ADAMTS17: variants seen among roughly 807,000 people sequenced by gnomAD.
ADAMTS17 encodes ADAM metallopeptidase with thrombospondin type 1 motif 17.
A neutral mutation model predicts 141.5 loss-of-function variants in ADAMTS17; 113 were observed. The ratio of observed to expected loss-of-function variants is 0.80; its 90% CI spans 0.69 to 0.93. The LOEUF (loss-of-function observed/expected upper bound fraction) is 0.93, where lower values mean the gene tolerates loss of function less well. Ranked by LOEUF, ADAMTS17 falls within the 40% of genes least tolerant of loss-of-function variation. The pLI is 0.00. For synonymous variants in ADAMTS17, 768 were observed against 630.6 expected, an observed-to-expected ratio of 1.22 and a Z score of -3.27; for missense variants, 1,659 against 1,517.9, an observed-to-expected ratio of 1.09 and a Z score of -1.54.
At chr15:100,000,611 TC>T in intron 18 of ADAMTS17, among the ~76,000 whole-genome samples, 1 of 152,290 alleles carries the variant, frequency 6.6e-6, no homozygotes, top group Non-Finnish European at 1.5e-5. Context: ...CCTCCCAGGT[TC>T]AAGCGATTTT....
intron 3 of ADAMTS17, among the ~76,000 whole-genome samples, chr15:100,292,821 A>T (rs1231636564): frequency 6.6e-6 from 1 of 152,210 alleles, no homozygotes; most frequent in Non-Finnish European, 1.5e-5. Context: ...CAGAGGGGGA[A>T]AAAAAGAATC....
chr15:100,261,821 G>A (rs1440905738), intron 5 of ADAMTS17, among the ~76,000 whole-genome samples, 185 bp from the exon 6 acceptor site: 3 of 152,110 alleles, frequency 2.0e-5, no homozygotes, highest in Non-Finnish European at 4.4e-5. Flanking sequence ...AGACCATCAG[G>A]GGCCTTACAT....
chr15:100,300,760 C>G (rs1316691306), intron 3 of ADAMTS17, among the ~76,000 whole-genome samples: 1 of 152,256 alleles, frequency 6.6e-6, no homozygotes, highest in Non-Finnish European at 1.5e-5. Flanking sequence ...AGCATCTCAT[C>G]TCTTGTCCAC....
intron 20 of ADAMTS17, among the ~76,000 whole-genome samples, chr15:99,988,876 G>A (rs1396016237): frequency 6.6e-6 from 1 of 152,164 alleles, no homozygotes; most frequent in Non-Finnish European, 1.5e-5. Context: ...CCAGGTCTTG[G>A]GCAGGGCTGC....
At chr15:100,323,013 G>T (rs1272974176) in intron 3 of ADAMTS17, among the ~76,000 whole-genome samples, 2 of 150,618 alleles carry the variant, frequency 1.3e-5, no homozygotes. Flanking sequence ...CATGGACCCG[G>T]GAGGCGGAGC....
At chr15:100,230,174 C>T (rs147640461) in intron 7 of ADAMTS17, among the ~76,000 whole-genome samples, 15 of 152,308 alleles carry the variant, frequency 9.8e-5, no homozygotes, top group Middle Eastern at 3.4e-3. Flanking sequence ...AAACTTTCTC[C>T]GCAGTTTGGG....
At chr15:100,184,409 T>G (rs939192576) in intron 8 of ADAMTS17, among the ~76,000 whole-genome samples, 2 of 152,234 alleles carry the variant, frequency 1.3e-5, no homozygotes, top group African/African-American at 2.4e-5. Context: ...CCAGTGAGCC[T>G]TCTTCTTTCC....
chr15:100,131,892 C>A, intron 12 of ADAMTS17, 115 bp downstream of exon 12: 2 of 1,523,764 alleles, frequency 1.3e-6, no homozygotes, highest in Non-Finnish European at 1.8e-6. Flanking sequence ...GTTTCATTTT[C>A]CATATCTTCT....
At chr15:100,198,151 A>G (rs1448464961) in intron 8 of ADAMTS17, among the ~76,000 whole-genome samples, 1 of 152,230 alleles carries the variant, frequency 6.6e-6, no homozygotes, top group East Asian at 1.9e-4. Context: ...CTGCACATGT[A>G]TCCCAGAACT....
chr15:100,291,279 A>T (rs1400292232), intron 3 of ADAMTS17, among the ~76,000 whole-genome samples: 1 of 152,246 alleles, frequency 6.6e-6, no homozygotes, highest in Non-Finnish European at 1.5e-5. Flanking sequence ...GAGGAATGCA[A>T]ACCAAAACCA....
intron 18 of ADAMTS17, among the ~76,000 whole-genome samples, chr15:100,015,827 C>T (rs1160431922): frequency 6.6e-6 from 1 of 152,222 alleles, no homozygotes; most frequent in East Asian, 1.9e-4. Flanking sequence ...CTTTAGATTA[C>T]CTGATGACAA....
chr15:100,328,383 A>G (rs2045954187), intron 3 of ADAMTS17, among the ~76,000 whole-genome samples: 1 of 152,218 alleles, frequency 6.6e-6, no homozygotes, highest in Admixed American at 6.5e-5. Flanking sequence ...TATTTCATGC[A>G]ATGCAAGAAG....
chr15:99,981,896 C>T (rs2060488626), intron 20 of ADAMTS17, among the ~76,000 whole-genome samples: 2 of 152,146 alleles, frequency 1.3e-5, no homozygotes, highest in Admixed American at 1.3e-4. Flanking sequence ...CCAGGCCTGC[C>T]CTGGCCTAAA....
chr15:100,177,016 G>A (rs1289155034), intron 8 of ADAMTS17, among the ~76,000 whole-genome samples: 1 of 152,170 alleles, frequency 6.6e-6, no homozygotes, highest in Non-Finnish European at 1.5e-5. Context: ...TCACCCATTG[G>A]AGCACATTTA....
At chr15:100,114,392 T>G in intron 13 of ADAMTS17, among the ~76,000 whole-genome samples, 1 of 152,170 alleles carries the variant, frequency 6.6e-6, no homozygotes, top group South Asian at 2.1e-4. Context: ...GGAACACTTA[T>G]AATCCGTATT....
In ADAMTS17 at chr15:99,974,069, A is replaced by G; in HGVS notation, c.*333T>C. On this transcript the variant is annotated 3_prime_UTR_variant, in exon 22 of 22. Transcript: ENST00000268070. ...ACCAAGCACTGGAAATTCAAATGTC[A>G]AAAGCGAGTCAAGACAAGAACACTA... is the stretch of plus-strand genomic sequence containing the variant. 1 of 400,602 alleles carries G rather than the reference A, an allele frequency of 2.5e-6. No individual in the cohort carries two copies. Among genetic ancestry groups the G allele is most frequent in the Non-Finnish European group, 4.7e-6 (1 of 211,924 alleles). 24.8% of individuals were successfully genotyped at this position (400,602 alleles called of 1,614,324 possible).
intron 8 of ADAMTS17, among the ~76,000 whole-genome samples, chr15:100,187,009 G>A (rs1330838375): frequency 6.6e-6 from 1 of 152,092 alleles, no homozygotes; most frequent in African/African-American, 2.4e-5. Flanking sequence ...AATGTGGTCT[G>A]CCACTCCCAT....
rs959076231 is a variant in ADAMTS17 at position 100,054,033 on chromosome 15, C to A, written c.2159G>T (p.Gly720Val). 3.7e-6 allele frequency: 6 copies of A among 1,614,130 alleles called. No homozygotes were observed. The highest frequency in any genetic ancestry group is 1.1e-5 in the South Asian group (1 of 91,074). ...RGTALKDSGKGSINSDWKIEL... is the reference protein window; with the variant it reads ...RGTALKDSGKVSINSDWKIEL... The stretch of plus-strand genomic sequence containing the variant: ...TATCTTCCAGTCACTGTTGATGGAC[C>A]CCTTACCCGAGTCTTTGAGAGCTAG... The change falls in exon 16 of 22, where the codon GGG (glycine) becomes GTG (valine). Residue 720 changes from glycine (G) to valine (V), a missense_variant. Gly to Val is a moderately radical substitution (Grantham distance 109). Coordinates refer to ENST00000268070, the MANE Select transcript of ADAMTS17 (RefSeq NM_139057.4).
chr15:100,300,039 A>G (rs569421282), intron 3 of ADAMTS17, among the ~76,000 whole-genome samples: 10 of 152,210 alleles, frequency 6.6e-5, no homozygotes, highest in Non-Finnish European at 1.3e-4. Flanking sequence ...AAAAGAATAA[A>G]GCAATCCTTC....
Sources: allele counts gnomAD v4.1 joint callset (sites outside exome capture counted in the v4.1 genomes callset), GRCh38; gene constraint gnomAD v4.1.1; transcripts MANE v1.5; gene names NCBI Gene and HGNC (gene_info 2026-07-23, HGNC 2026-07-21).